Variants in ITFG2 observed in about 807,000 individuals in gnomAD.
ITFG2 encodes the protein integrin alpha FG-GAP repeat containing 2.
ITFG2 carries 36 observed loss-of-function variants against 54.4 expected under a neutral mutation model. The ratio of observed to expected loss-of-function variants is 0.66; its 90% CI spans 0.51 to 0.87. The LOEUF is 0.87. Ranked by LOEUF, ITFG2 falls within the 40% of genes least tolerant of loss-of-function variation. The pLI is 0.00. For synonymous variants in ITFG2, 211 were observed against 225.4 expected (o/e 0.94, Z 0.57); for missense variants, 524 against 576.7 (o/e 0.91, Z 0.94).
intron 2 of ITFG2, chr12:2,856,860 C>A: frequency 1.4e-6 from 1 of 691,040 alleles, no homozygotes; most frequent in Non-Finnish European, 2.6e-6. Context: ...GCCAGGCAGT[C>A]TGCTGCCCAG....
At chr12:2,813,944 A>T (rs930828302) in intron 1 of ITFG2, among the ~76,000 whole-genome samples, 16 of 152,010 alleles carry the variant, frequency 1.1e-4, no homozygotes, top group African/African-American at 2.7e-4. Flanking sequence ...AATTTTTAAA[A>T]TTTTTTTGTT....
Position 2,845,613 on chromosome 12 carries a change from G to A in ITFG2, n.300+4618G>A, listed in dbSNP as rs2098051499. 1.3e-5 allele frequency among the ~76,000 whole-genome samples: 2 copies of A among 152,176 alleles called. No individual in the cohort carries two copies. The highest frequency in any genetic ancestry group is 4.8e-5 in the African/African-American group (2 of 41,448). ...CGTGAAGCTGGTGGCATTCAGCAGG[G>A]CACAGGGTGTTCTGGGGAGTGAAGT... On this transcript the variant is annotated intron_variant and non_coding_transcript_variant, in intron 2 of 3. Transcript: ENST00000537710. The surrounding 1 kb of genome is among the most constrained non-coding windows in gnomAD (Gnocchi z 4.2).
intron 2 of ITFG2, chr12:2,830,801 C>A (rs953432470): frequency 6.2e-7 from 1 of 1,613,682 alleles, no homozygotes; most frequent in African/African-American, 1.3e-5. Flanking sequence ...GGGGAGGCTC[C>A]CCCTGAAGCC....
At chr12:2,856,491 G>A (rs1011510307) in intron 2 of ITFG2, among the ~76,000 whole-genome samples, 12 of 152,114 alleles carry the variant, frequency 7.9e-5, no homozygotes, top group Non-Finnish European at 1.8e-4. Flanking sequence ...TCAGCCTCCT[G>A]AGTAGCTGGG....
chr12:2,814,609 C>T (rs2097917218), intron 1 of ITFG2, among the ~76,000 whole-genome samples: 1 of 152,140 alleles, frequency 6.6e-6, no homozygotes, highest in Admixed American at 6.5e-5. Flanking sequence ...ATGGAAGGAT[C>T]ATTTGAGCCT....
downstream of ITFG2, chr12:2,827,692 T>G (rs1603483776): frequency 6.2e-7 from 1 of 1,613,866 alleles, no homozygotes; most frequent in Non-Finnish European, 8.5e-7. The surrounding 1 kb of genome is among the most constrained non-coding windows in gnomAD (Gnocchi z 4.0). Context: ...AGGAACAATT[T>G]GAAAACAGAA....
At chr12:2,839,418 G>A (rs1034512608) in intron 1 of ITFG2, among the ~76,000 whole-genome samples, 1 of 152,222 alleles carries the variant, frequency 6.6e-6, no homozygotes, top group Non-Finnish European at 1.5e-5. Flanking sequence ...AGGAGTAGAA[G>A]AAGTGAGCGT....
upstream of ITFG2, among the ~76,000 whole-genome samples, chr12:2,833,750 G>T (rs1304131324): frequency 1.3e-5 from 2 of 152,278 alleles, no homozygotes; most frequent in East Asian, 3.9e-4. Flanking sequence ...ATAGCATTTA[G>T]ATAGTGCCTG....
At chr12:2,849,131 G>A in intron 2 of ITFG2, 1 of 1,271,496 alleles carries the variant, frequency 7.9e-7, no homozygotes, top group South Asian at 1.6e-5. Flanking sequence ...AGAAGCCAGA[G>A]TCCTTTTGCT....
chr12:2,852,510 G>A (rs1032529380), intron 2 of ITFG2, among the ~76,000 whole-genome samples: 1 of 152,126 alleles, frequency 6.6e-6, no homozygotes. Context: ...GGGATTATGG[G>A]CATGTGCCAC....
chr12:2,828,555 C>A (rs184243242), downstream of ITFG2: 5 of 690,590 alleles, frequency 7.2e-6, no homozygotes, highest in South Asian at 7.2e-5. Flanking sequence ...TGGCTTTTAT[C>A]GGGGCCAGGC....
intron 2 of ITFG2, among the ~76,000 whole-genome samples, chr12:2,844,086 C>T (rs58504259): frequency 6.8e-6 from 1 of 146,350 alleles, no homozygotes; most frequent in Non-Finnish European, 1.5e-5. Flanking sequence ...GAAACCCCAT[C>T]TCTACTAAAA....
intron 2 of ITFG2, among the ~76,000 whole-genome samples, chr12:2,844,352 G>A (rs765539090): frequency 2.0e-5 from 3 of 152,086 alleles, no homozygotes; most frequent in Non-Finnish European, 2.9e-5. Context: ...TCAGGAGTTC[G>A]ACACCAGCCT....
chr12:2,850,720 C>T (rs1167683035), intron 2 of ITFG2, among the ~76,000 whole-genome samples: 3 of 151,172 alleles, frequency 2.0e-5, no homozygotes, highest in Non-Finnish European at 4.4e-5. Context: ...TTGCCCAGGC[C>T]GGAGTGCAGT....
rs2098051313 is a variant in ITFG2 at position 2,845,516 on chromosome 12, G to T, written n.300+4521G>T. On this transcript the variant is annotated intron_variant and non_coding_transcript_variant, in intron 2 of 3. Coordinates refer to the ITFG2 transcript ENST00000537710. This position sits in a 1 kb window ranked among gnomAD's most constrained non-coding sequence, Gnocchi z 4.2. ...CACCAAGATCAGGCTTGGAAAGGGG[G>T]AGGTGGAGGGAGGGGAGTTTTTGGC... Among the ~76,000 whole-genome samples, 1 of 152,208 alleles carries T rather than the reference G, an allele frequency of 6.6e-6. No individual in the cohort carries two copies. The highest frequency in any genetic ancestry group is 2.4e-5 in the African/African-American group (1 of 41,464).
intron 2 of ITFG2, chr12:2,830,415 C>T (rs1390646824): frequency 1.4e-5 from 4 of 285,900 alleles, no homozygotes; most frequent in Admixed American, 1.0e-4. Context: ...TCCATGCACA[C>T]ACACCATTTG....
chr12:2,850,198 G>A (rs1375333054), intron 2 of ITFG2, among the ~76,000 whole-genome samples: 5 of 152,120 alleles, frequency 3.3e-5, no homozygotes, highest in Non-Finnish European at 5.9e-5. Context: ...CCCCTAGGCC[G>A]GACCCAGTGG....
chr12:2,822,947 CTTAAG>C (rs1484001600), intron 10 of ITFG2, 36 bp downstream of exon 10: 11 of 1,510,360 alleles, frequency 7.3e-6, no homozygotes, highest in Non-Finnish European at 1.0e-5. Context: ...TCTAACCACA[CTTAAG>C]TTAGATAGGC....
upstream of ITFG2, among the ~76,000 whole-genome samples, chr12:2,836,211 G>A (rs2153926701): frequency 6.6e-6 from 1 of 152,314 alleles, no homozygotes; most frequent in African/African-American, 2.4e-5. Context: ...GTTTTTACCA[G>A]TGCACACTGA....
Sources: gnomAD v4.1 joint callset for allele counts (sites outside exome capture counted in the v4.1 genomes callset) on GRCh38, gnomAD v4.1.1 for gene constraint, Gnocchi (gnomAD v3.1) non-coding constraint, MANE v1.5 for transcripts, NCBI Gene and HGNC (gene_info 2026-07-23, HGNC 2026-07-21) for gene names.